Variants in METTL8 observed in about 807,000 individuals in gnomAD.
The protein encoded by METTL8 is tRNA N(3)-cytidine methyltransferase METTL8, mitochondrial.
A neutral mutation model predicts 48.7 loss-of-function variants in METTL8; 32 were observed. The ratio of observed to expected loss-of-function variants is 0.66; its 90% CI spans 0.50 to 0.88. The LOEUF (loss-of-function observed/expected upper bound fraction) is 0.88, where lower values mean the gene tolerates loss of function less well. METTL8 is among the 40% of genes least tolerant of loss of function. METTL8 has a pLI of 0.00. For missense variants in METTL8, 464 were observed against 474.4 expected (o/e 0.98, Z 0.20); for synonymous variants, 136 against 157.1 (o/e 0.87, Z 1.01).
At chr2:171,349,521 T>C (rs1683647082) in intron 3 of METTL8, among the ~76,000 whole-genome samples, 1 of 152,196 alleles carries the variant, frequency 6.6e-6, no homozygotes, top group Admixed American at 6.6e-5. Context: ...AGAACACGAT[T>C]CCATTTTATG....
At chr2:171,341,004 G>C (rs1686693367) in intron 3 of METTL8, among the ~76,000 whole-genome samples, 1 of 152,104 alleles carries the variant, frequency 6.6e-6, no homozygotes. Flanking sequence ...GTAATTCTTC[G>C]CTTTCTGCCT....
intron 2 of METTL8, among the ~76,000 whole-genome samples, chr2:171,384,796 C>A (rs182338527): frequency 6.6e-6 from 1 of 152,230 alleles, no homozygotes; most frequent in Non-Finnish European, 1.5e-5. Context: ...CATGCCACTG[C>A]ACTCCAGTCT....
chr2:171,424,176 G>T (rs1375921223), intron 1 of METTL8, among the ~76,000 whole-genome samples: 1 of 152,222 alleles, frequency 6.6e-6, no homozygotes, highest in Non-Finnish European at 1.5e-5. Context: ...CTAGATTTCA[G>T]AAGATGTATA....
At chr2:171,336,641 G>C (rs1331291295) in intron 5 of METTL8, among the ~76,000 whole-genome samples, 2 of 151,996 alleles carry the variant, frequency 1.3e-5, no homozygotes, top group African/African-American at 4.8e-5. Flanking sequence ...CTTAGGATTA[G>C]TTGCTGCTAC....
intron 2 of METTL8, among the ~76,000 whole-genome samples, chr2:171,376,305 A>T (rs530094456): frequency 7.9e-5 from 12 of 152,174 alleles, no homozygotes; most frequent in Non-Finnish European, 1.3e-4. Flanking sequence ...CTGCTCTTCC[A>T]ACCTCATCTT....
At chr2:171,433,108 A>G (rs540276952) in intron 1 of METTL8, 1 of 152,338 alleles carries the variant, frequency 6.6e-6, no homozygotes, top group Admixed American at 6.5e-5. Context: ...ACCCTTGGAC[A>G]CGACGACATT....
At chr2:171,365,756 T>C (rs1392945862) in intron 2 of METTL8, among the ~76,000 whole-genome samples, 1 of 152,226 alleles carries the variant, frequency 6.6e-6, no homozygotes, top group Non-Finnish European at 1.5e-5. Context: ...GGCAATGGAC[T>C]TACCCTCCTG....
chr2:171,331,262 C>A (rs1685498754), intron 6 of METTL8, among the ~76,000 whole-genome samples: 1 of 150,840 alleles, frequency 6.6e-6, no homozygotes, highest in South Asian at 2.1e-4. Flanking sequence ...AGGCACCCAC[C>A]ACCATGCCCA....
Position 171,321,877 on chromosome 2 carries a change from A to G in METTL8, c.*2295T>C, listed in dbSNP as rs1253224999. 1 of 152,196 alleles carries G rather than the reference A, an allele frequency of 6.6e-6. No individual in the cohort carries two copies. The highest frequency in any genetic ancestry group is 1.5e-5 in the Non-Finnish European group (1 of 68,042). The allele number at this position is 152,196 out of a possible 1,614,324, so 9.4% of individuals were successfully genotyped here. A position where few individuals can be genotyped will look rare whatever the true frequency, so the allele number is the denominator to read the frequency against. ...AGTCAATAAATATTATGTAATGAGT[A>G]TGAGACTAATCTTAAAAACTTCATT... On this transcript the variant is annotated 3_prime_UTR_variant, in exon 10 of 10. Coordinates refer to ENST00000375258, the MANE Select transcript of METTL8 (RefSeq NM_001321154.2).
rs1026580484 is a variant in METTL8 at position 171,326,081 on chromosome 2, A to G, written c.928T>C (p.Tyr310His). 41 of 1,549,250 alleles carry G rather than the reference A, an allele frequency of 2.6e-5. No individual in the cohort carries two copies. Among genetic ancestry groups the G allele is most frequent in the Non-Finnish European group, 3.5e-5 (40 of 1,145,496 alleles). ...KPGGMLLFRD[Y>H]GRYDKTQLRF... Reference sequence around the variant, plus strand: ...AGCTGAGTCTTATCATATCTTCCATAGTCTCGAAATAACAGCATTCCCCCA... The same window carrying G: ...AGCTGAGTCTTATCATATCTTCCATGGTCTCGAAATAACAGCATTCCCCCA... Residue 310 changes from tyrosine (Y) to histidine (H), a missense_variant, in exon 8 of 10, where the codon TAT becomes CAT. Transcript: ENST00000375258.
At chr2:171,404,682 C>T (rs141604420) in intron 1 of METTL8, among the ~76,000 whole-genome samples, 4 of 152,202 alleles carry the variant, frequency 2.6e-5, no homozygotes, top group African/African-American at 7.2e-5. Flanking sequence ...TAAAGACTTA[C>T]AAAATGTATT....
intron 1 of METTL8, among the ~76,000 whole-genome samples, chr2:171,422,610 C>T (rs1377531141): frequency 6.6e-6 from 1 of 152,042 alleles, no homozygotes; most frequent in Non-Finnish European, 1.5e-5. Context: ...ACATTCTAAA[C>T]TCAAGAAGAA....
intron 3 of METTL8, among the ~76,000 whole-genome samples, chr2:171,357,974 G>C (rs1042584373): frequency 6.6e-6 from 1 of 152,136 alleles, no homozygotes; most frequent in African/African-American, 2.4e-5. Context: ...GGGATTACAA[G>C]TGTGAGCCAC....
intron 1 of METTL8, among the ~76,000 whole-genome samples, chr2:171,433,417 A>G (rs1693359536): frequency 6.6e-6 from 1 of 152,214 alleles, no homozygotes; most frequent in Non-Finnish European, 1.5e-5. Context: ...AGCACCTATG[A>G]ACAAGAGGTA....
In METTL8 at chr2:171,360,443, G is replaced by C. The variant is rs779685244; in HGVS notation, c.214C>G (p.Arg72Gly). 3.1e-6 allele frequency: 5 copies of C among 1,613,532 alleles called. No individual in the cohort carries two copies. The Admixed American group carries it at 6.7e-5, about 22-fold the overall frequency. ...RKKVKENSAV[R>G]VLLEEQVKYE... ...CTACCTTGCTCTTCCAGAAGGACTC[G>C]CACAGCTGAGTTTTCTTTTACTTTT... The change falls in exon 3 of 10, where the codon CGA becomes GGA. Residue 72 changes from arginine (R) to glycine (G), a missense_variant. Coordinates refer to ENST00000375258, the MANE Select transcript of METTL8 (RefSeq NM_001321154.2).
intron 3 of METTL8, among the ~76,000 whole-genome samples, chr2:171,345,162 C>T (rs1488054748): frequency 1.3e-5 from 2 of 152,044 alleles, no homozygotes; most frequent in African/African-American, 4.8e-5. Flanking sequence ...TAACTACAGC[C>T]CAATGAAGCA....
intron 3 of METTL8, among the ~76,000 whole-genome samples, chr2:171,356,952 A>ATGTTTTTTTTTTGTTTTTTTTT: frequency 1.3e-5 from 1 of 78,468 alleles, no homozygotes; most frequent in African/African-American, 4.5e-5. Context: ...CAAAGACAAT[A>ATGTTTTTTTTTTGTTTTTTTTT]TTTTTTTTTT....
At chr2:171,383,443 T>C (rs1687758208) in intron 2 of METTL8, among the ~76,000 whole-genome samples, 1 of 152,028 alleles carries the variant, frequency 6.6e-6, no homozygotes, top group African/African-American at 2.4e-5. Flanking sequence ...TAGAATAAAA[T>C]AAATGGAAAA....
intron 2 of METTL8, chr2:171,374,836 T>G (rs1574035938): frequency 1.4e-6 from 1 of 701,954 alleles, no homozygotes; most frequent in African/African-American, 1.8e-5. Context: ...ACATACACAG[T>G]AGGTGTATGT....
Sources: gnomAD v4.1 joint callset for allele counts (sites outside exome capture counted in the v4.1 genomes callset) on GRCh38, gnomAD v4.1.1 for gene constraint, MANE v1.5 for transcripts, NCBI Gene and HGNC (gene_info 2026-07-23, HGNC 2026-07-21) for gene names.